EHBP1: variants seen among roughly 807,000 people sequenced by gnomAD.
EHBP1 encodes EH domain binding protein 1.
A neutral mutation model predicts 144.0 loss-of-function variants in EHBP1; 55 were observed. The observed-to-expected ratio is 0.38, with a 90% CI of 0.31 to 0.48. The LOEUF is 0.48. EHBP1 is among the 20% of genes least tolerant of loss of function. The pLI is 0.98. For missense variants in EHBP1, 1,200 were observed against 1,364.2 expected (o/e 0.88, Z 1.90); for synonymous variants, 469 against 472.7 (o/e 0.99, Z 0.10).
At chr2:63,038,920 A>C in intron 21 of EHBP1, 104 bp downstream of exon 21, 1 of 1,072,042 alleles carries the variant, frequency 9.3e-7, no homozygotes, top group Non-Finnish European at 1.4e-6. Context: ...TGTACTAGGG[A>C]CCTTCCGGAA....
At position 62,731,674 on chromosome 2, in the gene EHBP1, G is replaced by A. The variant is rs566647658; in HGVS notation, c.105-15721G>A. On this transcript the variant is annotated intron_variant, in intron 2 of 22. Transcript: ENST00000431489. ...ATAATCATATAGCTTTTCTTCTTTA[G>A]CCTGTTGATATGATGGATTACAATG... 3.3e-5 allele frequency among the ~76,000 whole-genome samples: 5 copies of A among 152,098 alleles called. No individual in the cohort carries two copies. In the South Asian group the frequency reaches 1.0e-3, roughly 32 times the overall value.
intron 10 of EHBP1, among the ~76,000 whole-genome samples, chr2:62,941,364 T>C (rs2056747691): frequency 6.6e-6 from 1 of 152,186 alleles, no homozygotes; most frequent in Non-Finnish European, 1.5e-5. Flanking sequence ...TTCATTATAT[T>C]AAGTCGAATT....
intron 10 of EHBP1, among the ~76,000 whole-genome samples, chr2:62,903,770 AAGGAGAAGGAGAAGG>A (rs1363276699): frequency 1.9e-5 from 2 of 104,526 alleles, no homozygotes; most frequent in Non-Finnish European, 4.2e-5. Flanking sequence ...TGCCTTGAAG[AAGGAGAAGGAGAAGG>A]AGGAGAAGGA....
At chr2:62,961,511 G>A (rs1433622124) in intron 14 of EHBP1, among the ~76,000 whole-genome samples, 5 of 152,034 alleles carry the variant, frequency 3.3e-5, no homozygotes, top group Non-Finnish European at 7.4e-5. Context: ...AGTTTTAGGT[G>A]TGATATTTGT....
chr2:62,872,488 G>A (rs2050569933), intron 9 of EHBP1, among the ~76,000 whole-genome samples: 1 of 151,972 alleles, frequency 6.6e-6, no homozygotes, highest in South Asian at 2.1e-4. Context: ...ATATTAATCA[G>A]CAAGTATGTA....
intron 15 of EHBP1, among the ~76,000 whole-genome samples, chr2:62,984,610 G>C (rs2059112889): frequency 6.6e-6 from 1 of 152,268 alleles, no homozygotes; most frequent in Non-Finnish European, 1.5e-5. Context: ...ACAGGTGTTA[G>C]GAAATATGTA....
chr2:62,867,384 G>C (rs368497466), intron 9 of EHBP1, among the ~76,000 whole-genome samples: 1 of 151,960 alleles, frequency 6.6e-6, no homozygotes, highest in African/African-American at 2.4e-5. Flanking sequence ...AATTTAGCAA[G>C]GTTACAGGCT....
intron 10 of EHBP1, among the ~76,000 whole-genome samples, chr2:62,903,905 C>A (rs2053604818): frequency 6.6e-6 from 1 of 152,180 alleles, no homozygotes; most frequent in African/African-American, 2.4e-5. Flanking sequence ...TAGGTCCTCA[C>A]CTCCTTCTTT....
intron 19 of EHBP1, among the ~76,000 whole-genome samples, chr2:63,030,406 T>TAC (rs1441616294): frequency 1.3e-5 from 2 of 151,802 alleles, no homozygotes; most frequent in East Asian, 2.0e-4. Context: ...TATATATATA[T>TAC]ATACACACAC....
At chr2:62,921,823 T>C (rs2055113426) in intron 10 of EHBP1, among the ~76,000 whole-genome samples, 1 of 152,204 alleles carries the variant, frequency 6.6e-6, no homozygotes, top group Non-Finnish European at 1.5e-5. Flanking sequence ...GAATACATTT[T>C]GTATGTTTTA....
At chr2:62,685,459 G>A (rs187837607) in intron 1 of EHBP1, among the ~76,000 whole-genome samples, 20 of 152,170 alleles carry the variant, frequency 1.3e-4, no homozygotes, top group Middle Eastern at 3.4e-3. Flanking sequence ...CCAAGTCTGT[G>A]CCTTCATCTT....
intron 19 of EHBP1, among the ~76,000 whole-genome samples, chr2:63,028,518 T>C (rs1413951236): frequency 6.6e-6 from 1 of 151,970 alleles, no homozygotes; most frequent in African/African-American, 2.4e-5. Flanking sequence ...GATCCTCCCC[T>C]CAGCCTCCTG....
chr2:62,699,946 C>T (rs953063454), intron 1 of EHBP1, among the ~76,000 whole-genome samples: 6 of 152,140 alleles, frequency 3.9e-5, no homozygotes, highest in Non-Finnish European at 8.8e-5. Context: ...TGGAGCTGGA[C>T]AAAATTGTAT....
intron 7 of EHBP1, among the ~76,000 whole-genome samples, chr2:62,855,909 G>A (rs868672845): frequency 6.6e-6 from 1 of 152,092 alleles, no homozygotes; most frequent in African/African-American, 2.4e-5. Context: ...GCCACTCCAC[G>A]GTCTCTCTGC....
intron 1 of EHBP1, among the ~76,000 whole-genome samples, chr2:62,690,134 T>C (rs2033854949): frequency 1.3e-5 from 2 of 152,142 alleles, no homozygotes; most frequent in Non-Finnish European, 2.9e-5. Context: ...GTGAAAGCAG[T>C]CTAGTTAACA....
At chr2:63,000,491 T>C (rs565719717) in intron 19 of EHBP1, among the ~76,000 whole-genome samples, 1 of 151,800 alleles carries the variant, frequency 6.6e-6, no homozygotes, top group African/African-American at 2.4e-5. Flanking sequence ...AGGTCTGGAG[T>C]TCGAGACCAG....
intron 19 of EHBP1, among the ~76,000 whole-genome samples, chr2:63,033,039 A>C (rs2061326023): frequency 6.6e-6 from 1 of 152,156 alleles, no homozygotes; most frequent in South Asian, 2.1e-4. Context: ...TTTGTAGTAA[A>C]ATTTATTTTC....
intron 3 of EHBP1, among the ~76,000 whole-genome samples, chr2:62,761,303 A>G (rs902165159): frequency 2.0e-5 from 3 of 152,152 alleles, no homozygotes; most frequent in East Asian, 1.9e-4. Context: ...ACCTTTCACT[A>G]TGGTATGCTA....
intron 12 of EHBP1, among the ~76,000 whole-genome samples, chr2:62,946,456 A>G (rs990949156): frequency 1.3e-5 from 2 of 152,146 alleles, no homozygotes; most frequent in South Asian, 2.1e-4. Context: ...ATCATTTGCT[A>G]CTTCTTACCT....
Sources: allele counts gnomAD v4.1 joint callset (sites outside exome capture counted in the v4.1 genomes callset), GRCh38; gene constraint gnomAD v4.1.1; transcripts MANE v1.5; gene names NCBI Gene and HGNC (gene_info 2026-07-23, HGNC 2026-07-21).